Variants in RHBDD1 observed in about 807,000 individuals in gnomAD.
The protein encoded by RHBDD1 is rhomboid domain containing 1.
In RHBDD1, 38 loss-of-function variants were observed where a neutral mutation model predicts 36.3. The observed-to-expected ratio is 1.05, with a 90% CI of 0.81 to 1.37. The LOEUF (loss-of-function observed/expected upper bound fraction) is 1.37. Ranked by LOEUF, RHBDD1 falls within the 40% of genes most tolerant of loss-of-function variation. RHBDD1 has a pLI of 0.00. For missense variants in RHBDD1, 393 were observed against 377.6 expected, an observed-to-expected ratio of 1.04 and a Z score of -0.34; for synonymous variants, 151 against 136.5, an observed-to-expected ratio of 1.11 and a Z score of -0.74.
rs1559377482 is a variant in RHBDD1 at position 226,998,482 on chromosome 2, A to G, written c.*2960A>G. 6.6e-6 allele frequency: 1 copy of G among 152,194 alleles called. No individual in the cohort carries two copies. The highest frequency in any genetic ancestry group is 2.4e-5 in the African/African-American group (1 of 41,446). The allele number at this position is 152,194 out of a possible 1,614,324, so 9.4% of individuals were successfully genotyped here. On this transcript the variant is annotated 3_prime_UTR_variant, in exon 9 of 9. Coordinates refer to ENST00000392062, the MANE Select transcript of RHBDD1 (RefSeq NM_001167608.3). ...CTTAGTTTTTCTTGAGAGATTCAGT[A>G]TTCAGTAAAGAATAGCATTCAATTA...
chr2:226,882,349 G>T (rs987750987), intron 5 of RHBDD1, among the ~76,000 whole-genome samples: 1 of 145,610 alleles, frequency 6.9e-6, no homozygotes, highest in Non-Finnish European at 1.5e-5. Flanking sequence ...AGAATTGCTT[G>T]AACCCGGTAG....
At chr2:226,986,054 A>C (rs769860465) in intron 8 of RHBDD1, among the ~76,000 whole-genome samples, 2 of 152,222 alleles carry the variant, frequency 1.3e-5, no homozygotes, top group Admixed American at 6.5e-5. Context: ...AGGGCATTTC[A>C]CCTCTATGGT....
chr2:226,846,561 T>A (rs181864050), intron 3 of RHBDD1, among the ~76,000 whole-genome samples: 1 of 152,098 alleles, frequency 6.6e-6, no homozygotes, highest in African/African-American at 2.4e-5. Flanking sequence ...CTGGCCAACA[T>A]GGTGAAACCT....
chr2:226,894,983 C>G (rs897605131), intron 5 of RHBDD1, among the ~76,000 whole-genome samples: 16 of 152,138 alleles, frequency 1.1e-4, no homozygotes, highest in African/African-American at 3.6e-4. Context: ...AGGGTGGATG[C>G]TTAGCGTTGG....
At chr2:226,882,596 A>G (rs1266012776) in intron 5 of RHBDD1, among the ~76,000 whole-genome samples, 2 of 151,938 alleles carry the variant, frequency 1.3e-5, no homozygotes, top group Non-Finnish European at 2.9e-5. Flanking sequence ...AAAAATTGCC[A>G]AGATGTATGG....
chr2:226,893,961 T>C (rs1946884400), intron 5 of RHBDD1, among the ~76,000 whole-genome samples: 1 of 152,190 alleles, frequency 6.6e-6, no homozygotes, highest in Admixed American at 6.5e-5. Flanking sequence ...AGAGCAGTTT[T>C]TGGGGGGACA....
intron 5 of RHBDD1, among the ~76,000 whole-genome samples, chr2:226,891,949 C>T (rs1040401504): frequency 3.3e-5 from 5 of 152,198 alleles, no homozygotes; most frequent in African/African-American, 1.2e-4. Flanking sequence ...CATGCCTGTG[C>T]TCTGGCTGCC....
intron 8 of RHBDD1, among the ~76,000 whole-genome samples, chr2:226,915,535 C>T (rs1948841455): frequency 6.6e-6 from 1 of 152,166 alleles, no homozygotes; most frequent in African/African-American, 2.4e-5. Context: ...CTGGTAGTAG[C>T]AGTCATTCTG....
At chr2:226,941,566 A>G (rs752735903) in intron 8 of RHBDD1, among the ~76,000 whole-genome samples, 2 of 152,250 alleles carry the variant, frequency 1.3e-5, no homozygotes, top group Admixed American at 6.5e-5. Flanking sequence ...CTGAATTCCA[A>G]GTAGTCCCAA....
In RHBDD1 at chr2:226,865,023, A is replaced by G. The variant is rs777122515; in HGVS notation, c.330A>G (p.Ala110=). The change falls in exon 4 of 9, where the codon GCA becomes GCG. Residue 110 remains alanine, a synonymous_variant. Transcript: ENST00000392062. The stretch of plus-strand genomic sequence containing the variant: ...GATGGTTTGCCTATGTTATCACCGC[A>G]TTTTCTGTACTTACTGGAGTGGTAT... ...GSRWFAYVIT[A]FSVLTGVVYL... 6.2e-7 allele frequency: 1 copy of G among 1,614,032 alleles called. No individual in the cohort carries two copies. Among genetic ancestry groups the G allele is most frequent in the Non-Finnish European group, 8.5e-7 (1 of 1,180,014 alleles).
the RHBDD1 span, among the ~76,000 whole-genome samples, chr2:226,810,414 C>T: frequency 2.0e-5 from 3 of 151,320 alleles, no homozygotes; most frequent in Non-Finnish European, 2.9e-5. Flanking sequence ...GTGTCAGGCA[C>T]CTATAATCTC....
intron 3 of RHBDD1, among the ~76,000 whole-genome samples, chr2:226,857,170 G>A (rs1057476801): frequency 6.6e-6 from 1 of 151,882 alleles, no homozygotes; most frequent in African/African-American, 2.4e-5. Context: ...TGTTTATATT[G>A]TATTTTAAGC....
At chr2:226,924,485 G>A (rs1949538806) in intron 8 of RHBDD1, among the ~76,000 whole-genome samples, 2 of 152,314 alleles carry the variant, frequency 1.3e-5, no homozygotes, top group Admixed American at 1.3e-4. Context: ...GGTTGGGAGA[G>A]GGGTAACACA....
intron 5 of RHBDD1, among the ~76,000 whole-genome samples, chr2:226,881,287 C>G (rs1945709347): frequency 6.6e-6 from 1 of 152,220 alleles, no homozygotes; most frequent in Non-Finnish European, 1.5e-5. Flanking sequence ...GGTGGGGACA[C>G]AAAGCCTAAC....
chr2:226,972,044 C>T (rs1036295806), intron 8 of RHBDD1, among the ~76,000 whole-genome samples: 7 of 152,050 alleles, frequency 4.6e-5, no homozygotes, highest in Non-Finnish European at 7.4e-5. Context: ...GCCCCACGTG[C>T]ATTAGGTCTT....
intron 8 of RHBDD1, among the ~76,000 whole-genome samples, chr2:226,949,419 A>G (rs767193725): frequency 3.9e-5 from 6 of 152,116 alleles, no homozygotes; most frequent in Non-Finnish European, 7.4e-5. Flanking sequence ...GCAGCATTGT[A>G]AGTGACCTGT....
chr2:226,856,771 TAAA>T (rs1213177819), intron 3 of RHBDD1, among the ~76,000 whole-genome samples: 1 of 152,228 alleles, frequency 6.6e-6, no homozygotes, highest in Non-Finnish European at 1.5e-5. Context: ...CTCTTGTAAT[TAAA>T]AAAGCAGAGG....
intron 5 of RHBDD1, chr2:226,869,268 C>A (rs1944587788): frequency 1.3e-6 from 1 of 781,458 alleles, no homozygotes; most frequent in East Asian, 1.3e-4. Flanking sequence ...AACTTAAAGT[C>A]TTTTGATTTT....
chr2:226,883,600 A>C (rs1945962098), intron 5 of RHBDD1, among the ~76,000 whole-genome samples: 1 of 152,144 alleles, frequency 6.6e-6, no homozygotes, highest in African/African-American at 2.4e-5. Context: ...CTGGGATATA[A>C]TTGTGGGTGT....
Sources: gnomAD v4.1 joint callset for allele counts (sites outside exome capture counted in the v4.1 genomes callset) on GRCh38, gnomAD v4.1.1 for gene constraint, MANE v1.5 for transcripts, NCBI Gene and HGNC (gene_info 2026-07-23, HGNC 2026-07-21) for gene names.